The following CSGALNACT1 variants were observed in gnomAD, a reference collection of about 807,000 sequenced individuals.
CSGALNACT1 encodes chondroitin sulfate N-acetylgalactosaminyltransferase 1, also known as beta4GalNAcT-1.
In CSGALNACT1, 52 loss-of-function variants were observed where a neutral mutation model predicts 51.0. The observed-to-expected ratio is 1.02, with a 90% CI of 0.82 to 1.29. The LOEUF (loss-of-function observed/expected upper bound fraction) is 1.29. Among genes scored for constraint, CSGALNACT1 ranks in the 50% most tolerant of loss-of-function variants. The pLI, the probability that CSGALNACT1 is intolerant of heterozygous loss-of-function variation, is 0.00. For missense variants in CSGALNACT1, 935 were observed against 679.2 expected, an observed-to-expected ratio of 1.38 and a Z score of -4.19; for synonymous variants, 341 against 254.4, an observed-to-expected ratio of 1.34 and a Z score of -3.24.
chr8:19,557,643 T>C (rs995122311), intron 3 of CSGALNACT1, among the ~76,000 whole-genome samples: 1 of 152,212 alleles, frequency 6.6e-6, no homozygotes, highest in African/African-American at 2.4e-5. Flanking sequence ...TATTCAGGCT[T>C]TGCTCAAAGG....
rs150819965 is a variant in CSGALNACT1 at position 19,661,861 on chromosome 8, A to C, written c.-544+20612T>G. 2.6e-4 allele frequency among the ~76,000 whole-genome samples: 39 copies of C among 152,248 alleles called. No individual in the cohort carries two copies. The East Asian group carries it at 7.5e-3, about 29-fold the overall frequency. On this transcript the variant is annotated intron_variant, in intron 1 of 9. Transcript: ENST00000332246. ...CCAGTTCACCAGTGTCTGGGCCTCT[A>C]TGTGAACAGTTTCTCCTCGTATATA...
At chr8:19,616,805 C>T (rs537562810) in intron 1 of CSGALNACT1, among the ~76,000 whole-genome samples, 99 of 152,262 alleles carry the variant, frequency 6.5e-4, no homozygotes, top group Non-Finnish European at 1.2e-3. Flanking sequence ...GTGCCATCCA[C>T]GTACAATCAG....
intron 1 of CSGALNACT1, among the ~76,000 whole-genome samples, chr8:19,748,706 T>G (rs28717065): frequency 0.17 from 26,597 of 152,130 alleles, 2,410 homozygotes; most frequent in Middle Eastern, 0.32. Context: ...GGCTCACATC[T>G]GTAAACCCAG....
At chr8:19,574,711 G>A (rs2043771191) in intron 3 of CSGALNACT1, among the ~76,000 whole-genome samples, 1 of 152,086 alleles carries the variant, frequency 6.6e-6, no homozygotes, top group Non-Finnish European at 1.5e-5. Flanking sequence ...TTTGGGATAA[G>A]ATGGCAGACT....
At chr8:19,666,825 GAGAGAGAGAA>G (rs1262186906) in intron 1 of CSGALNACT1, among the ~76,000 whole-genome samples, 1,054 of 48,126 alleles carry the variant, frequency 0.022, 26 homozygotes, top group Non-Finnish European at 0.031. Context: ...GAGAGAGAGA[GAGAGAGAGAA>G]AGAAAGAAAG....
At chr8:19,492,983 C>T (rs756517660) in intron 4 of CSGALNACT1, among the ~76,000 whole-genome samples, 11 of 150,964 alleles carry the variant, frequency 7.3e-5, no homozygotes, top group African/African-American at 2.7e-4. Flanking sequence ...GACAAGGTTA[C>T]GATCAAGCAC....
intron 1 of CSGALNACT1, among the ~76,000 whole-genome samples, chr8:19,722,089 C>A (rs2063160459): frequency 6.6e-6 from 1 of 151,942 alleles, no homozygotes; most frequent in Non-Finnish European, 1.5e-5. Flanking sequence ...TCAATAGAAA[C>A]CTTTTGCTTA....
At chr8:19,470,627 C>G (rs1211359344) in intron 4 of CSGALNACT1, among the ~76,000 whole-genome samples, 1 of 152,108 alleles carries the variant, frequency 6.6e-6, no homozygotes, top group Non-Finnish European at 1.5e-5. Flanking sequence ...CAGGAGAGGG[C>G]TCTACCCTAG....
intron 1 of CSGALNACT1, among the ~76,000 whole-genome samples, chr8:19,716,090 G>A (rs1228708307): frequency 6.6e-6 from 1 of 152,164 alleles, no homozygotes; most frequent in Non-Finnish European, 1.5e-5. Flanking sequence ...CAGAAACCAA[G>A]GAAATGGCAT....
intron 1 of CSGALNACT1, among the ~76,000 whole-genome samples, chr8:19,637,759 T>G (rs1261390719): frequency 6.6e-6 from 1 of 152,076 alleles, no homozygotes; most frequent in East Asian, 1.9e-4. Flanking sequence ...CTTCTGAGGA[T>G]CATTCGTAAC....
At chr8:19,681,397 C>T (rs1168518179) in intron 1 of CSGALNACT1, among the ~76,000 whole-genome samples, 7 of 152,072 alleles carry the variant, frequency 4.6e-5, no homozygotes, top group South Asian at 2.1e-4. Context: ...ATCTGTCCTT[C>T]GCGCCCCCAT....
intron 1 of CSGALNACT1, among the ~76,000 whole-genome samples, chr8:19,608,763 G>C (rs1429612209): frequency 6.6e-6 from 1 of 152,146 alleles, no homozygotes; most frequent in Non-Finnish European, 1.5e-5. Context: ...ACTGAGGCTT[G>C]ATCTATAGTA....
chr8:19,450,308 T>C (rs1158181874), intron 5 of CSGALNACT1, among the ~76,000 whole-genome samples: 1 of 103,182 alleles, frequency 9.7e-6, no homozygotes, highest in East Asian at 3.2e-4. Flanking sequence ...GGAGGAGGAA[T>C]AGGAGGAGGA....
At chr8:19,448,334 C>T (rs190285735) in intron 5 of CSGALNACT1, among the ~76,000 whole-genome samples, 2 of 152,234 alleles carry the variant, frequency 1.3e-5, no homozygotes, top group Admixed American at 1.3e-4. Context: ...CAAAGGATGA[C>T]CATGTATGGT....
chr8:19,589,170 G>A (rs901392251), intron 3 of CSGALNACT1, among the ~76,000 whole-genome samples: 2 of 152,158 alleles, frequency 1.3e-5, no homozygotes, highest in Admixed American at 1.3e-4. Context: ...ATTTGCAGTA[G>A]GCTGGGTAAA....
At chr8:19,651,707 T>G (rs191711192) in intron 1 of CSGALNACT1, among the ~76,000 whole-genome samples, 25 of 152,318 alleles carry the variant, frequency 1.6e-4, no homozygotes, top group African/African-American at 5.3e-4. Flanking sequence ...CTATTGTGAA[T>G]AGTGCTGCAA....
At position 19,498,334 on chromosome 8, in the gene CSGALNACT1, C is replaced by G. The variant is rs143065305; in HGVS notation, c.634+6867G>C. Reference sequence around the variant, plus strand: ...CTCGGTGCAGGACCACATCCACAACCGTAACTGATGAAAAACTGGGAGGCT... The same window carrying G: ...CTCGGTGCAGGACCACATCCACAACGGTAACTGATGAAAAACTGGGAGGCT... On this transcript the variant is annotated intron_variant, in intron 4 of 9. Coordinates refer to ENST00000454498, the Ensembl canonical transcript of CSGALNACT1. Among the ~76,000 whole-genome samples the G allele has an allele frequency of 2.6e-5, 4 of 152,182 alleles. No individual in the cohort carries two copies. In the East Asian group the frequency reaches 7.7e-4, roughly 29 times the overall value.
upstream of CSGALNACT1, among the ~76,000 whole-genome samples, chr8:19,604,486 G>C (rs1034716498): frequency 1.3e-5 from 2 of 152,168 alleles, no homozygotes; most frequent in Admixed American, 1.3e-4. Flanking sequence ...AGGCTCATAC[G>C]TGGTGAAGTC....
chr8:19,475,373 G>C (rs1563610849), intron 4 of CSGALNACT1, among the ~76,000 whole-genome samples: 1 of 152,166 alleles, frequency 6.6e-6, no homozygotes, highest in Admixed American at 6.5e-5. Flanking sequence ...TTTGGATCTT[G>C]GTTTGGTGGT....
Sources: gnomAD v4.1 joint callset for allele counts (sites outside exome capture counted in the v4.1 genomes callset) on GRCh38, gnomAD v4.1.1 for gene constraint, MANE v1.5 for transcripts, NCBI Gene and HGNC (gene_info 2026-07-23, HGNC 2026-07-21) for gene names.